The following KDELR2 variants were observed in gnomAD, a reference collection of about 807,000 sequenced individuals.
The protein encoded by KDELR2 is ER lumen protein-retaining receptor 2.
KDELR2 carries 15 observed loss-of-function variants against 23.9 expected under a neutral mutation model. The observed-to-expected ratio is 0.63, with a 90% CI of 0.42 to 0.97. The LOEUF (loss-of-function observed/expected upper bound fraction) is 0.97, where lower values mean the gene tolerates loss of function less well. Ranked by LOEUF, KDELR2 falls within the 50% of genes least tolerant of loss-of-function variation. The probability of loss-of-function intolerance (pLI) is 0.00; values close to 1 mark genes in which losing one functional copy is unlikely to be tolerated. For synonymous variants in KDELR2, 119 were observed against 106.2 expected (o/e 1.12, Z -0.74); for missense variants, 272 against 254.6 (o/e 1.07, Z -0.46).
intron 4 of KDELR2, among the ~76,000 whole-genome samples, chr7:6,463,753 TA>T (rs147990504): frequency 1.9e-3 from 222 of 117,348 alleles, no homozygotes; most frequent in Middle Eastern, 0.013. Context: ...TTTAAAAAGA[TA>T]AAAAAAAAAA....
intron 1 of KDELR2, among the ~76,000 whole-genome samples, chr7:6,480,138 G>A (rs183006524): frequency 4.6e-5 from 7 of 152,312 alleles, no homozygotes; most frequent in African/African-American, 1.2e-4. Flanking sequence ...GGGAAGGCCC[G>A]GGGTCGTGGA....
chr7:6,479,224 C>G (rs977249598), intron 1 of KDELR2, among the ~76,000 whole-genome samples: 1 of 152,044 alleles, frequency 6.6e-6, no homozygotes, highest in African/African-American at 2.4e-5. Context: ...ATGGTGTGAT[C>G]ACGGCTCGCT....
At chr7:6,464,638 G>C (rs181562236) in intron 4 of KDELR2, among the ~76,000 whole-genome samples, 268 of 152,188 alleles carry the variant, frequency 1.8e-3, no homozygotes, top group African/African-American at 5.9e-3. Flanking sequence ...GTTGCAGTGA[G>C]CTGAGAGCAA....
chr7:6,462,660 G>T lies in KDELR2; in HGVS notation c.*481C>A. On this transcript the variant is annotated 3_prime_UTR_variant, in exon 5 of 5. Coordinates refer to ENST00000258739, the MANE Select transcript of KDELR2 (RefSeq NM_006854.4). The stretch of plus-strand genomic sequence containing the variant: ...ACATCCAATTGAACATAGTGTCTCA[G>T]ATTTCAAACAAATACAGCTCATCTT... 1 of 247,942 alleles carries T rather than the reference G, an allele frequency of 4.0e-6. No individual in the cohort carries two copies. Among genetic ancestry groups the T allele is most frequent in the Non-Finnish European group, 7.7e-6 (1 of 129,614 alleles). The allele number at this position is 247,942 out of a possible 1,614,324, so 15.4% of individuals were successfully genotyped here.
intron 1 of KDELR2, 144 bp downstream of exon 1, chr7:6,483,823 G>A (rs1785968326): frequency 3.9e-6 from 2 of 516,696 alleles, no homozygotes; most frequent in South Asian, 1.9e-4. Context: ...CTGCCCCCCG[G>A]GTCCGGGCAC....
chr7:6,478,328 T>G (rs1472570217), intron 1 of KDELR2, among the ~76,000 whole-genome samples: 1 of 152,012 alleles, frequency 6.6e-6, no homozygotes, highest in Non-Finnish European at 1.5e-5. Context: ...TCATTTTTTT[T>G]GTAGAGACAG....
chr7:6,484,086 G>C lies in KDELR2; in HGVS notation c.-29C>G. ...GGCGGCGGCGGTGGCGGTCGGCGCAGCGCGGCGGCCCCGGGGCTGGGCGGC... is the reference window on the plus strand; with the variant it reads ...GGCGGCGGCGGTGGCGGTCGGCGCACCGCGGCGGCCCCGGGGCTGGGCGGC... On this transcript the variant is annotated 5_prime_UTR_variant, in exon 1 of 5. Transcript: ENST00000258739. The C allele has an allele frequency of 3.5e-6, 5 of 1,434,844 alleles. No homozygotes were observed. Among genetic ancestry groups the C allele is most frequent in the Non-Finnish European group, 4.6e-6 (5 of 1,084,152 alleles). 88.9% of individuals were successfully genotyped at this position (1,434,844 alleles called of 1,614,324 possible).
intron 2 of KDELR2, among the ~76,000 whole-genome samples, chr7:6,472,546 C>T (rs1034191828): frequency 2.6e-5 from 4 of 152,144 alleles, no homozygotes; most frequent in African/African-American, 9.7e-5. Flanking sequence ...CAAGTGGGGA[C>T]CTAACCATTT....
In KDELR2 at chr7:6,479,295, C is replaced by T. The variant is rs1785832999; in HGVS notation, c.91+4672G>A. On this transcript the variant is annotated intron_variant, in intron 1 of 4. Coordinates refer to ENST00000258739, the MANE Select transcript of KDELR2 (RefSeq NM_006854.4). ...CACTCAGCCTTCTGAGTAGCTGGGA[C>T]CACAGCGCACCACCACGGCTGGCTA... Among the ~76,000 whole-genome samples the T allele has an allele frequency of 3.3e-5, 5 of 151,908 alleles. No homozygotes were observed. In the South Asian group the frequency reaches 1.0e-3, roughly 32 times the overall value.
rs569126138 is a variant in KDELR2, at chr7:6,470,928, C to T, written c.193-1174G>A. Among the ~76,000 whole-genome samples the T allele has an allele frequency of 3.3e-5, 5 of 151,972 alleles. No individual in the cohort carries two copies. In the South Asian group the frequency reaches 1.0e-3, roughly 32 times the overall value. ...AGGAGATCGAGACCATCCTGGCTAA[C>T]ATGGTGAAACCCTATCTCTACTAAA... is the stretch of plus-strand genomic sequence containing the variant. On this transcript the variant is annotated intron_variant, in intron 2 of 4. Transcript: ENST00000258739.
chr7:6,468,220 T>C (rs187471525), intron 3 of KDELR2, among the ~76,000 whole-genome samples: 1 of 152,188 alleles, frequency 6.6e-6, no homozygotes, highest in Admixed American at 6.5e-5. Flanking sequence ...GTCATGAACA[T>C]TGCACTAGAG....
chr7:6,484,067 G>A lies in KDELR2; in HGVS notation c.-10C>T, dbSNP rs760456827. ...GCCGGAAAATGTTCATGGCGGCGGC[G>A]GCGGTGGCGGTCGGCGCAGCGCGGC... On this transcript the variant is annotated 5_prime_UTR_variant, in exon 1 of 5. Transcript: ENST00000258739. 4.7e-6 allele frequency: 7 copies of A among 1,484,258 alleles called. No homozygotes were observed. Among genetic ancestry groups the A allele is most frequent in the Non-Finnish European group, 6.3e-6 (7 of 1,112,486 alleles). The allele number at this position is 1,484,258 out of a possible 1,614,324, so 91.9% of individuals were successfully genotyped here.
At chr7:6,483,642 GA>G (rs887859676) in intron 1 of KDELR2, among the ~76,000 whole-genome samples, 31 of 152,336 alleles carry the variant, frequency 2.0e-4, no homozygotes, top group African/African-American at 7.5e-4. Context: ...CAAGCCCAGA[GA>G]GGGGCCACGC....
chr7:6,467,042 G>C (rs531862200), intron 3 of KDELR2, among the ~76,000 whole-genome samples: 1 of 152,276 alleles, frequency 6.6e-6, no homozygotes, highest in South Asian at 2.1e-4. Flanking sequence ...AAGAGGCAAG[G>C]CACTGCCAGT....
chr7:6,468,667 A>G (rs888398622), intron 3 of KDELR2, among the ~76,000 whole-genome samples: 2 of 151,780 alleles, frequency 1.3e-5, no homozygotes, highest in African/African-American at 4.8e-5. Context: ...CACCACGCCC[A>G]GCTAGTTTTT....
chr7:6,464,197 C>CAAAAAAAAAAA (rs758537707), intron 4 of KDELR2, among the ~76,000 whole-genome samples: 2 of 38,764 alleles, frequency 5.2e-5, no homozygotes, highest in Non-Finnish European at 4.0e-5. Context: ...AACTCTGTCT[C>CAAAAAAAAAAA]AAAAAAAAAA....
At chr7:6,469,240 CTA>C (rs1562499445) in intron 3 of KDELR2, among the ~76,000 whole-genome samples, 2 of 152,114 alleles carry the variant, frequency 1.3e-5, no homozygotes, top group Non-Finnish European at 2.9e-5. Flanking sequence ...GCGTGAGCCA[CTA>C]CGCCCAGCCA....
intron 1 of KDELR2, among the ~76,000 whole-genome samples, chr7:6,475,749 T>C (rs192476478): frequency 2.0e-5 from 3 of 152,292 alleles, no homozygotes; most frequent in East Asian, 3.9e-4. Context: ...ACTGAGCAAA[T>C]GCATTAAAGA....
At chr7:6,483,852 G>A in intron 1 of KDELR2, 115 bp downstream of exon 1, 2 of 787,242 alleles carry the variant, frequency 2.5e-6, no homozygotes, top group Admixed American at 4.7e-5. Context: ...CCGGCCGAGG[G>A]GGTGTGTCGG....
Sources: allele counts gnomAD v4.1 joint callset (sites outside exome capture counted in the v4.1 genomes callset), GRCh38; gene constraint gnomAD v4.1.1; transcripts MANE v1.5; gene names NCBI Gene and HGNC (gene_info 2026-07-23, HGNC 2026-07-21).